Variants in PARD3 observed in about 807,000 individuals in gnomAD.
The protein encoded by PARD3 is par-3 family cell polarity regulator.
A neutral mutation model predicts 155.4 loss-of-function variants in PARD3; 75 were observed. The ratio of observed to expected loss-of-function variants is 0.48; its 90% CI spans 0.40 to 0.58. The LOEUF (loss-of-function observed/expected upper bound fraction) is 0.58, where lower values mean the gene tolerates loss of function less well. Among genes scored for constraint, PARD3 ranks in the 20% least tolerant of loss-of-function variants. The probability of loss-of-function intolerance (pLI) is 0.00; values close to 1 mark genes in which losing one functional copy is unlikely to be tolerated. For synonymous variants in PARD3, 576 were observed against 610.5 expected, an observed-to-expected ratio of 0.94 and a Z score of 0.83; for missense variants, 1,642 against 1,721.7, an observed-to-expected ratio of 0.95 and a Z score of 0.82.
chr10:34,290,623 C>T (rs564773018), intron 20 of PARD3, among the ~76,000 whole-genome samples: 1 of 152,310 alleles, frequency 6.6e-6, no homozygotes, highest in East Asian at 1.9e-4. Context: ...CAGTATTCTG[C>T]CTTGTGTCTG....
At chr10:34,437,449 T>A (rs1248180161) in intron 5 of PARD3, among the ~76,000 whole-genome samples, 1 of 152,104 alleles carries the variant, frequency 6.6e-6, no homozygotes, top group Non-Finnish European at 1.5e-5. Context: ...AGGAAAATAC[T>A]CCCCAAAAGC....
chr10:34,343,551 T>C (rs969747904), intron 15 of PARD3: 2 of 985,342 alleles, frequency 2.0e-6, no homozygotes, highest in Non-Finnish European at 2.4e-6. Context: ...TCCACAAGAT[T>C]TGAAAACCCA....
At chr10:34,216,270 G>A (rs1399476495) in intron 22 of PARD3, among the ~76,000 whole-genome samples, 1 of 152,176 alleles carries the variant, frequency 6.6e-6, no homozygotes, top group Non-Finnish European at 1.5e-5. Flanking sequence ...CATTCATAAT[G>A]CTATTTGTAC....
chr10:34,562,441 C>T (rs1190311531), intron 2 of PARD3, among the ~76,000 whole-genome samples: 3 of 151,862 alleles, frequency 2.0e-5, no homozygotes. Context: ...GTCTCAAAAA[C>T]AAAACAAACA....
intron 22 of PARD3, among the ~76,000 whole-genome samples, chr10:34,230,040 C>T (rs2254808): frequency 0.014 from 2,141 of 152,142 alleles, 47 homozygotes; most frequent in African/African-American, 0.043. Context: ...CAATGAGGTG[C>T]GACAGAAAAG....
At chr10:34,219,776 G>A (rs978060416) in intron 22 of PARD3, among the ~76,000 whole-genome samples, 9 of 152,162 alleles carry the variant, frequency 5.9e-5, no homozygotes, top group African/African-American at 2.2e-4. Flanking sequence ...ACTAGTGTGA[G>A]TCTATTTTGA....
intron 1 of PARD3, among the ~76,000 whole-genome samples, chr10:34,736,177 G>A (rs1455095128): frequency 2.6e-5 from 4 of 151,324 alleles, no homozygotes; most frequent in African/African-American, 9.7e-5. Context: ...GACTACAGGT[G>A]CCCACCACCA....
chr10:34,549,270 TATTTA>T (rs1260715816), intron 2 of PARD3, among the ~76,000 whole-genome samples: 23 of 152,216 alleles, frequency 1.5e-4, no homozygotes, highest in African/African-American at 5.5e-4. Flanking sequence ...AGTACAGTCT[TATTTA>T]ATTAATGTAC....
intron 23 of PARD3, among the ~76,000 whole-genome samples, chr10:34,125,876 C>T (rs1224209706): frequency 6.6e-6 from 1 of 152,224 alleles, no homozygotes; most frequent in East Asian, 1.9e-4. Context: ...TCCCATCTAT[C>T]AGTCGTCTCA....
intron 22 of PARD3, among the ~76,000 whole-genome samples, chr10:34,147,226 C>T (rs1389287985): frequency 1.3e-5 from 2 of 152,114 alleles, no homozygotes; most frequent in Non-Finnish European, 2.9e-5. Context: ...GATAACAGCA[C>T]TTTTATAGGT....
intron 5 of PARD3, among the ~76,000 whole-genome samples, chr10:34,410,805 T>G (rs754879959): frequency 1.3e-5 from 2 of 152,158 alleles, no homozygotes; most frequent in Non-Finnish European, 2.9e-5. Flanking sequence ...ACAGAGACAG[T>G]GTCTCCCTCC....
intron 19 of PARD3, among the ~76,000 whole-genome samples, chr10:34,324,506 G>T (rs1958567391): frequency 6.6e-6 from 1 of 152,146 alleles, no homozygotes; most frequent in Non-Finnish European, 1.5e-5. Flanking sequence ...CACAGGCAAG[G>T]GTAAGCACGG....
chr10:34,442,356 G>T (rs181893306), intron 5 of PARD3, among the ~76,000 whole-genome samples: 1 of 152,258 alleles, frequency 6.6e-6, no homozygotes, highest in South Asian at 2.1e-4. Context: ...CTCTTCCACG[G>T]TTTAATGCTG....
intron 1 of PARD3, among the ~76,000 whole-genome samples, chr10:34,775,430 A>G (rs1839412667): frequency 6.6e-6 from 1 of 152,166 alleles, no homozygotes; most frequent in South Asian, 2.1e-4. Flanking sequence ...GGATCACTTT[A>G]GCCCAGGAGT....
chr10:34,432,041 C>CAAAGAAAAAAAA (rs2075953260), intron 5 of PARD3, among the ~76,000 whole-genome samples: 1 of 21,596 alleles, frequency 4.6e-5, no homozygotes, highest in African/African-American at 1.2e-4. Context: ...GACTCTGTCT[C>CAAAGAAAAAAAA]AAAAAAAAAA....
chr10:34,196,261 T>C (rs1950928160), intron 22 of PARD3, among the ~76,000 whole-genome samples: 1 of 152,236 alleles, frequency 6.6e-6, no homozygotes, highest in Non-Finnish European at 1.5e-5. Flanking sequence ...CTTTGTGACA[T>C]AATACATAAT....
chr10:34,718,821 G>A (rs561700647), intron 1 of PARD3, among the ~76,000 whole-genome samples: 13 of 152,196 alleles, frequency 8.5e-5, no homozygotes, highest in East Asian at 7.7e-4. Context: ...AAAATTAGCC[G>A]GGCGTGGTGG....
intron 1 of PARD3, among the ~76,000 whole-genome samples, chr10:34,812,544 T>C (rs188233219): frequency 6.6e-6 from 1 of 152,314 alleles, no homozygotes; most frequent in African/African-American, 2.4e-5. Flanking sequence ...TAAAAATTAA[T>C]CTTAATCATT....
intron 12 of PARD3, among the ~76,000 whole-genome samples, chr10:34,362,095 C>T (rs998483750): frequency 2.6e-5 from 4 of 152,028 alleles, no homozygotes; most frequent in Non-Finnish European, 5.9e-5. Context: ...GTCAGGAGAT[C>T]GAGACCATCC....
Sources: allele counts gnomAD v4.1 joint callset (sites outside exome capture counted in the v4.1 genomes callset), GRCh38; gene constraint gnomAD v4.1.1; transcripts MANE v1.5; gene names NCBI Gene and HGNC (gene_info 2026-07-23, HGNC 2026-07-21).